Variants in IL32 observed in about 807,000 individuals in gnomAD.
IL32 encodes interleukin 32.
A neutral mutation model predicts 16.6 loss-of-function variants in IL32; 30 were observed. That is an observed-to-expected ratio of 1.81 (90% confidence interval 1.35 to 2.45). The LOEUF (loss-of-function observed/expected upper bound fraction) is 2.45, where lower values mean the gene tolerates loss of function less well. Among genes scored for constraint, IL32 ranks in the 30% most tolerant of loss-of-function variants. IL32 has a pLI of 0.00. For synonymous variants in IL32, 70 were observed against 86.1 expected (o/e 0.81, Z 1.03); for missense variants, 234 against 229.8 (o/e 1.02, Z -0.12).
In IL32 at chr16:3,069,525, A is replaced by C; in HGVS notation, c.*170A>C. On this transcript the variant is annotated 3_prime_UTR_variant, in exon 7 of 7. Coordinates refer to ENST00000525643, the MANE Select transcript of IL32 (RefSeq NM_001376923.1). ...TGGCATCTTAATAAAACCTGCTTAT[A>C]CTTCCCTGGCAGGGGAGATACCATG... 3.7e-6 allele frequency: 3 copies of C among 818,200 alleles called. No homozygotes were observed. In the East Asian group the frequency reaches 8.0e-5, roughly 22 times the overall value. 50.7% of individuals were successfully genotyped at this position (818,200 alleles called of 1,614,324 possible). A position where few individuals can be genotyped will look rare whatever the true frequency, so the allele number is the denominator to read the frequency against.
At chr16:3,066,275 G>A (rs1184285549) in intron 2 of IL32, among the ~76,000 whole-genome samples, 2 of 152,194 alleles carry the variant, frequency 1.3e-5, no homozygotes. Context: ...ACACCCTCCA[G>A]GGAGCTCTTC....
intron 4 of IL32, 99 bp downstream of exon 4, chr16:3,067,712 C>G: frequency 3.0e-6 from 3 of 987,236 alleles, no homozygotes; most frequent in Non-Finnish European, 4.7e-6. Context: ...GAGGGACCCA[C>G]AGGCTCCCTC....
At chr16:3,065,875 C>A (rs372765113) in intron 2 of IL32, 49 bp downstream of exon 2, 1 of 1,610,512 alleles carries the variant, frequency 6.2e-7, no homozygotes, top group African/African-American at 1.3e-5. Flanking sequence ...GAAAACAGAC[C>A]GTAAGGGTGC....
rs1354488689 is a variant in IL32 at position 3,068,322 on chromosome 16, T to C, written c.201+83T>C. Reference sequence around the variant, plus strand: ...TCTTTCTTTCTTTCTTTTTGTTTATTTGAGACAGAGTCTCGCTCTGTCGCC... The same window carrying C: ...TCTTTCTTTCTTTCTTTTTGTTTATCTGAGACAGAGTCTCGCTCTGTCGCC... On this transcript the variant is annotated intron_variant, in intron 6 of 6. Transcript: ENST00000525643. The C allele has an allele frequency of 3.8e-6, 5 of 1,317,386 alleles. No homozygotes were observed. In the African/African-American group the frequency reaches 4.4e-5, roughly 12 times the overall value. The allele number at this position is 1,317,386 out of a possible 1,614,324, so 81.6% of individuals were successfully genotyped here.
intron 2 of IL32, 89 bp downstream of exon 2, chr16:3,065,915 G>A: frequency 1.3e-6 from 2 of 1,494,366 alleles, no homozygotes; most frequent in Non-Finnish European, 1.9e-6. Flanking sequence ...CGAGGTGCCT[G>A]TGTGTCAGGG....
At position 3,067,317 on chromosome 16, in the gene IL32, T is replaced by C. The variant is rs539533027; in HGVS notation, c.16-60T>C. The C allele has an allele frequency of 4.5e-4, 338 of 758,598 alleles. 4 individuals are homozygous for C. In the South Asian group the frequency reaches 5.5e-3, roughly 12 times the overall value. 47.0% of individuals were successfully genotyped at this position (758,598 alleles called of 1,614,324 possible). ...TGTGTGTGTGTGTGTGTGTATAAAT[T>C]ATCCTGGAGGAAAGGTTAAGGTGAC... is the stretch of plus-strand genomic sequence containing the variant. On this transcript the variant is annotated intron_variant, in intron 2 of 6. Coordinates refer to ENST00000525643, the MANE Select transcript of IL32 (RefSeq NM_001376923.1).
At chr16:3,068,149 G>C in intron 5 of IL32, 31 bp from the exon 6 acceptor site, 15 of 1,603,758 alleles carry the variant, frequency 9.4e-6, no homozygotes, top group African/African-American at 1.3e-5. Context: ...GGCAGGAGCA[G>C]CATGAACCCC....
chr16:3,067,453 C>T, intron 3 of IL32, 38 bp downstream of exon 3: 2 of 1,611,380 alleles, frequency 1.2e-6, no homozygotes, highest in South Asian at 1.1e-5. Context: ...GGGTTGGGGG[C>T]CTGGGTCTCA....
intron 4 of IL32, 77 bp downstream of exon 4, chr16:3,067,690 G>A (rs1956548470): frequency 8.6e-7 from 1 of 1,163,248 alleles, no homozygotes; most frequent in Non-Finnish European, 1.3e-6. Context: ...GGCTCAGGGT[G>A]AGAAGGATGA....
chr16:3,067,379 C>G lies in IL32; in HGVS notation c.18C>G (p.Val6=). 6.5e-7 allele frequency: 1 copy of G among 1,539,462 alleles called. No individual in the cohort carries two copies. Among genetic ancestry groups the G allele is most frequent in the East Asian group, 2.3e-5 (1 of 44,144 alleles). ...GAGTGTCACCGTTATTTCCGCAGGT[C>G]CTCTCTGATGACATGAAGAAGCTGA... MCFPK[V]LSDDMKKLKA... Residue 6 remains valine, a splice_region_variant and synonymous_variant, in exon 3 of 7, where the codon GTC becomes GTG. Transcript: ENST00000525643.
At chr16:3,067,746 T>C in intron 4 of IL32, 133 bp downstream of exon 4, 1 of 865,746 alleles carries the variant, frequency 1.2e-6, no homozygotes, top group Non-Finnish European at 1.9e-6. Context: ...GGCAAATGCT[T>C]GCACCTGGGT....
chr16:3,065,490 C>T (rs1956218105), upstream of IL32: 1 of 483,316 alleles, frequency 2.1e-6, no homozygotes, highest in Non-Finnish European at 3.8e-6. Flanking sequence ...CTCTGTCTCT[C>T]TCGGGTAAGT....
chr16:3,065,940 C>G, intron 2 of IL32, 114 bp downstream of exon 2: 1 of 1,264,888 alleles, frequency 7.9e-7, no homozygotes, highest in Admixed American at 1.7e-5. Flanking sequence ...GTCAGGGGCA[C>G]CCAGCGGCAG....
intron 2 of IL32, among the ~76,000 whole-genome samples, chr16:3,066,275 G>C (rs1184285549): frequency 6.6e-6 from 1 of 152,196 alleles, no homozygotes; most frequent in Admixed American, 6.5e-5. Context: ...ACACCCTCCA[G>C]GGAGCTCTTC....
At chr16:3,067,811 T>G (rs941098058) in intron 4 of IL32, 173 bp from the exon 5 acceptor site, 11 of 854,512 alleles carry the variant, frequency 1.3e-5, no homozygotes, top group Non-Finnish European at 2.1e-5. Context: ...GAGGGAGGCA[T>G]CCAAGCCCCA....
chr16:3,066,429 G>A (rs375341187), intron 2 of IL32, among the ~76,000 whole-genome samples: 19 of 152,326 alleles, frequency 1.2e-4, no homozygotes, highest in South Asian at 6.2e-4. Flanking sequence ...TGGGACCATC[G>A]CTGCCTGAAA....
upstream of IL32, chr16:3,065,609 C>G (rs994006404): frequency 4.4e-6 from 3 of 683,226 alleles, no homozygotes; most frequent in African/African-American, 5.3e-5. Context: ...CCCACTTTCC[C>G]CATAAAACCA....
At chr16:3,066,033 G>A (rs1284484077) in intron 2 of IL32, among the ~76,000 whole-genome samples, 2 of 152,170 alleles carry the variant, frequency 1.3e-5, no homozygotes, top group Non-Finnish European at 2.9e-5. Flanking sequence ...CAGGGGTGTG[G>A]ATGAGAGGGA....
Position 3,067,829 on chromosome 16 carries a change from T to C in IL32, c.115-155T>C, listed in dbSNP as rs573030048. On this transcript the variant is annotated intron_variant, in intron 4 of 6. Coordinates refer to ENST00000525643, the MANE Select transcript of IL32 (RefSeq NM_001376923.1). ...GGAGGCATCCAAGCCCCAGGGCTCC[T>C]TGAGGAAACAACAGGGGTGCCAGAC... 4 of 946,872 alleles carry C rather than the reference T, an allele frequency of 4.2e-6. No homozygotes were observed. In the South Asian group the frequency reaches 4.3e-5, roughly 10 times the overall value. The allele number at this position is 946,872 out of a possible 1,614,324, so 58.7% of individuals were successfully genotyped here. A position where few individuals can be genotyped will look rare whatever the true frequency, so the allele number is the denominator to read the frequency against.
Sources: allele counts gnomAD v4.1 joint callset (sites outside exome capture counted in the v4.1 genomes callset), GRCh38; gene constraint gnomAD v4.1.1; transcripts MANE v1.5; gene names NCBI Gene and HGNC (gene_info 2026-07-23, HGNC 2026-07-21).